CDK5RAP2: variants seen among roughly 807,000 people sequenced by gnomAD.
CDK5RAP2 encodes CDK5 regulatory subunit-associated protein 2.
In CDK5RAP2, 147 loss-of-function variants were observed where a neutral mutation model predicts 232.9. The ratio of observed to expected loss-of-function variants is 0.63; its 90% CI spans 0.55 to 0.72. The LOEUF (loss-of-function observed/expected upper bound fraction) is 0.72. Among genes scored for constraint, CDK5RAP2 ranks in the 30% least tolerant of loss-of-function variants. The probability of loss-of-function intolerance (pLI) is 0.00; values close to 1 mark genes in which losing one functional copy is unlikely to be tolerated. For missense variants in CDK5RAP2, 2,195 were observed against 2,231.5 expected (o/e 0.98, Z 0.33); for synonymous variants, 833 against 833.7 (o/e 1.00, Z 0.01).
chr9:120,494,965 AGCCGCC>A (rs1329596362), intron 12 of CDK5RAP2, among the ~76,000 whole-genome samples: 1 of 134,154 alleles, frequency 7.5e-6, no homozygotes, highest in Admixed American at 7.2e-5. Context: ...GACCGACCGC[AGCCGCC>A]GCCGCCCGAC....
chr9:120,535,794 T>A (rs966749579), intron 7 of CDK5RAP2, among the ~76,000 whole-genome samples: 3 of 152,224 alleles, frequency 2.0e-5, no homozygotes, highest in Admixed American at 2.0e-4. Context: ...TCGTGGATCA[T>A]CAAAGAGCTC....
chr9:120,517,213 C>CA (rs1257551992), intron 12 of CDK5RAP2, among the ~76,000 whole-genome samples: 1 of 152,122 alleles, frequency 6.6e-6, no homozygotes, highest in African/African-American at 2.4e-5. Flanking sequence ...TTATAGCTAC[C>CA]ATTTTCTAGT....
chr9:120,460,481 A>G, intron 19 of CDK5RAP2, 91 bp downstream of exon 19: 1 of 1,206,504 alleles, frequency 8.3e-7, no homozygotes, highest in Non-Finnish European at 1.2e-6. Flanking sequence ...CAGAATGAAC[A>G]GAAAACCCAC....
At chr9:120,566,589 T>C (rs527350225) in intron 3 of CDK5RAP2, among the ~76,000 whole-genome samples, 2 of 152,256 alleles carry the variant, frequency 1.3e-5, no homozygotes, top group South Asian at 2.1e-4. Flanking sequence ...GGCAAACACA[T>C]AGAATGTACT....
intron 5 of CDK5RAP2, among the ~76,000 whole-genome samples, chr9:120,539,452 T>C (rs1235407267): frequency 1.3e-5 from 2 of 152,242 alleles, no homozygotes; most frequent in Non-Finnish European, 2.9e-5. Context: ...AGTGATCTTA[T>C]TACTTAATAT....
At chr9:120,467,096 T>C (rs1380856284) in intron 18 of CDK5RAP2, among the ~76,000 whole-genome samples, 1 of 152,224 alleles carries the variant, frequency 6.6e-6, no homozygotes, top group South Asian at 2.1e-4. Context: ...GTCCTCCCAT[T>C]GTGCAGCCCA....
At chr9:120,514,457 C>G (rs796139897) in intron 12 of CDK5RAP2, among the ~76,000 whole-genome samples, 13 of 152,328 alleles carry the variant, frequency 8.5e-5, no homozygotes, top group African/African-American at 2.9e-4. Context: ...TCTGGCCATC[C>G]TGACAAGAAA....
At chr9:120,390,165 T>C (rs576025078) in intron 36 of CDK5RAP2, 16 of 259,878 alleles carry the variant, frequency 6.2e-5, no homozygotes, top group Non-Finnish European at 1.1e-4. Context: ...GGTAGAGGCC[T>C]GGGCCTGCCC....
intron 34 of CDK5RAP2, 90 bp downstream of exon 34, chr9:120,402,716 T>G (rs1231172986): frequency 1.4e-6 from 2 of 1,464,344 alleles, no homozygotes; most frequent in Non-Finnish European, 1.9e-6. Context: ...AGGGTCCTAA[T>G]GAGGACAACT....
chr9:120,413,908 C>T (rs546451088), intron 28 of CDK5RAP2, among the ~76,000 whole-genome samples: 9 of 152,188 alleles, frequency 5.9e-5, no homozygotes, highest in Admixed American at 3.3e-4. Context: ...GCAGCATGCA[C>T]GGTACTTGGG....
rs548548550 is a variant in CDK5RAP2, at chr9:120,481,349, A to C, written c.1627-3899T>G. Among the ~76,000 whole-genome samples the C allele has an allele frequency of 9.8e-5, 15 of 152,340 alleles. No homozygotes were observed. The South Asian group carries it at 3.1e-3, about 32-fold the overall frequency. On this transcript the variant is annotated intron_variant, in intron 14 of 37. Coordinates refer to ENST00000349780, the MANE Select transcript of CDK5RAP2 (RefSeq NM_018249.6). ...ACTGTCAGCCACATAAAGGTCAGCC[A>C]AATAAAATAAGAAAAGCCAGTGACA...
At chr9:120,518,323 T>A in intron 12 of CDK5RAP2, 104 bp downstream of exon 12, 1 of 906,232 alleles carries the variant, frequency 1.1e-6, no homozygotes. Flanking sequence ...ATAAGTGAAA[T>A]ATTTTCTTAA....
At chr9:120,461,329 C>T (rs895739191) in intron 18 of CDK5RAP2, among the ~76,000 whole-genome samples, 6 of 152,242 alleles carry the variant, frequency 3.9e-5, no homozygotes, top group Non-Finnish European at 5.9e-5. Flanking sequence ...ATCCCTAATG[C>T]TTCAAAGAAG....
At chr9:120,497,677 G>T (rs1418631057) in intron 12 of CDK5RAP2, among the ~76,000 whole-genome samples, 1 of 152,156 alleles carries the variant, frequency 6.6e-6, no homozygotes, top group Non-Finnish European at 1.5e-5. Context: ...ACTAAGAAGA[G>T]CACATCACTT....
intron 32 of CDK5RAP2, among the ~76,000 whole-genome samples, chr9:120,405,792 C>T (rs1360018754): frequency 2.6e-5 from 4 of 152,118 alleles, no homozygotes; most frequent in South Asian, 2.1e-4. Flanking sequence ...AATAAATCAA[C>T]GGGGTCATGG....
intron 31 of CDK5RAP2, chr9:120,407,802 C>T (rs73660244): frequency 0.036 from 7,228 of 199,536 alleles, 184 homozygotes; most frequent in African/African-American, 0.071. Context: ...GGTATCTCTC[C>T]TGGGATACAG....
intron 5 of CDK5RAP2, among the ~76,000 whole-genome samples, chr9:120,545,479 G>A (rs1208704846): frequency 6.6e-6 from 1 of 152,178 alleles, no homozygotes; most frequent in Admixed American, 6.5e-5. Flanking sequence ...TAGCTCCACA[G>A]GTGTGTTTGC....
intron 11 of CDK5RAP2, among the ~76,000 whole-genome samples, chr9:120,521,422 G>A (rs778668565): frequency 1.3e-5 from 2 of 152,098 alleles, no homozygotes; most frequent in African/African-American, 2.4e-5. Flanking sequence ...GGGAGGGACC[G>A]GGTGGGAGGT....
intron 11 of CDK5RAP2, among the ~76,000 whole-genome samples, chr9:120,519,044 G>A (rs930338971): frequency 6.6e-6 from 1 of 151,900 alleles, no homozygotes; most frequent in East Asian, 1.9e-4. Context: ...GCGTGGAGGT[G>A]GGTGCCTGTA....
Sources: gnomAD v4.1 joint callset for allele counts (sites outside exome capture counted in the v4.1 genomes callset) on GRCh38, gnomAD v4.1.1 for gene constraint, MANE v1.5 for transcripts, NCBI Gene and HGNC (gene_info 2026-07-23, HGNC 2026-07-21) for gene names.